The following AQP3 variants were observed in gnomAD, a reference collection of about 807,000 sequenced individuals.
The protein encoded by AQP3 is aquaporin 3 (Gill blood group).
A neutral mutation model predicts 30.3 loss-of-function variants in AQP3; 15 were observed. That is an observed-to-expected ratio of 0.49 (90% CI 0.33 to 0.76). AQP3 has a LOEUF of 0.76. Ranked by LOEUF, AQP3 falls within the 30% of genes least tolerant of loss-of-function variation. The pLI, the probability that AQP3 is intolerant of heterozygous loss-of-function variation, is 0.02. For synonymous variants in AQP3, 153 were observed against 163.2 expected (o/e 0.94, Z 0.47); for missense variants, 272 against 384.8 (o/e 0.71, Z 2.45).
At chr9:33,447,003 C>A (rs1265253176) in intron 1 of AQP3, among the ~76,000 whole-genome samples, 1 of 152,184 alleles carries the variant, frequency 6.6e-6, no homozygotes, top group Non-Finnish European at 1.5e-5. Flanking sequence ...CACCCAGGAC[C>A]CAAATAACCT....
chr9:33,444,334 C>T (rs1350651518), intron 1 of AQP3, among the ~76,000 whole-genome samples: 1 of 152,142 alleles, frequency 6.6e-6, no homozygotes, highest in African/African-American at 2.4e-5. Context: ...GGTGCAGTGG[C>T]TCACACTGTA....
rs780386360 is a variant in AQP3, at chr9:33,442,000, C to T, written c.*43G>A. 7 of 1,603,352 alleles carry T rather than the reference C, an allele frequency of 4.4e-6. No individual in the cohort carries two copies. In the Admixed American group the frequency reaches 8.4e-5, roughly 19 times the overall value. On this transcript the variant is annotated 3_prime_UTR_variant, in exon 6 of 6. Transcript: ENST00000297991. ...GTGGCCCTTGGACAGTCAGTGGATG[C>T]TCAAGGCCAGGGCAGCGGAGTGGGG...
At position 33,447,426 on chromosome 9, in the gene AQP3, C is replaced by G. The variant is rs591810; in HGVS notation, c.105G>C (p.Leu35=). Reference sequence around the variant, plus strand: ...TTCCCCGGCTCCCTCCACTCACCACCAGGATGAGGGTCCCCAGGCACTCGG... The same window carrying G: ...TTCCCCGGCTCCCTCCACTCACCACGAGGATGAGGGTCCCCAGGCACTCGG... The part of the protein sequence containing the change: ...ALAECLGTLI[L]VMFGCGSVAQ... The change falls in exon 1 of 6, where the codon CTG becomes CTC. Residue 35 remains leucine, a synonymous_variant. Coordinates refer to ENST00000297991, the MANE Select transcript of AQP3 (RefSeq NM_004925.5). The G allele has an allele frequency of 0.72, 1,154,684 of 1,596,606 alleles. 419,133 individuals carry two copies. The highest frequency in any genetic ancestry group is 0.81 in the Admixed American group (46,638 of 57,678).
chr9:33,442,924 G>T lies in AQP3; in HGVS notation c.420C>A (p.Pro140=), dbSNP rs1563866785. Reference sequence around the variant, plus strand: ...TAGCAAAGATGCCGGCTGTGCCATTGGGGCCCGAAACAAAAAGCTGGTTGT... The same window carrying T: ...TAGCAAAGATGCCGGCTGTGCCATTTGGGCCCGAAACAAAAAGCTGGTTGT... ...FADNQLFVSG[P]NGTAGIFATY... is the part of the protein sequence containing the mutation. Residue 140 remains proline (P), a synonymous_variant, in exon 4 of 6, where the codon CCC becomes CCA. Coordinates refer to ENST00000297991, the MANE Select transcript of AQP3 (RefSeq NM_004925.5). 1 of 1,614,226 alleles carries T rather than the reference G, an allele frequency of 6.2e-7. No individual in the cohort carries two copies. The highest frequency in any genetic ancestry group is 2.2e-5 in the East Asian group (1 of 44,884).
chr9:33,445,404 C>T (rs1587200752), intron 1 of AQP3, among the ~76,000 whole-genome samples: 1 of 152,186 alleles, frequency 6.6e-6, no homozygotes, highest in Non-Finnish European at 1.5e-5. Context: ...TGATTATCAT[C>T]CCAGAAAGAC....
In AQP3 at chr9:33,441,726, C is replaced by A; in HGVS notation, c.*317G>T. 1 of 515,092 alleles carries A rather than the reference C, an allele frequency of 1.9e-6. No homozygotes were observed. 31.9% of individuals were successfully genotyped at this position (515,092 alleles called of 1,614,324 possible). A position where few individuals can be genotyped will look rare whatever the true frequency, so the allele number is the denominator to read the frequency against. ...GGAACCCCCCCCACACACACACACC[C>A]CTGCACACACATGCACACACATGCA... On this transcript the variant is annotated 3_prime_UTR_variant, in exon 6 of 6. Coordinates refer to ENST00000297991, the MANE Select transcript of AQP3 (RefSeq NM_004925.5).
chr9:33,442,811 G>A, intron 4 of AQP3, 41 bp downstream of exon 4: 2 of 1,582,146 alleles, frequency 1.3e-6, no homozygotes, highest in South Asian at 1.1e-5. Flanking sequence ...AGGCAACTCG[G>A]TCCCCTCCCT....
At chr9:33,446,241 G>A (rs1205297693) in intron 1 of AQP3, among the ~76,000 whole-genome samples, 2 of 152,268 alleles carry the variant, frequency 1.3e-5, no homozygotes, top group Non-Finnish European at 2.9e-5. Context: ...CTGATAGGAC[G>A]ACTAATCTTA....
At position 33,442,518 on chromosome 9, in the gene AQP3, A is replaced by G; in HGVS notation, c.493T>C (p.Phe165Leu). The G allele has an allele frequency of 6.2e-7, 1 of 1,603,474 alleles. No homozygotes were observed. The highest frequency in any genetic ancestry group is 8.5e-7 in the Non-Finnish European group (1 of 1,176,064). The stretch of plus-strand genomic sequence containing the variant: ...ACGATAAGGGAGGCTGTGCCTATGA[A>G]CTGGGGAGTGGGGAGAACAGGGTGA... ...LDMINGFFDQ[F>L]IGTASLIVCV... Residue 165 changes from phenylalanine (F) to leucine (L), a missense_variant and splice_region_variant, in exon 5 of 6, where the codon TTC (phenylalanine) becomes CTC (leucine). Physicochemically the swap from Phe to Leu is conservative, Grantham distance 22. Around this residue, in one of 3 missense-constraint regions of AQP3, gnomAD observed 170 missense variants for 286.4 expected, o/e 0.59. Coordinates refer to ENST00000297991, the MANE Select transcript of AQP3 (RefSeq NM_004925.5).
At position 33,441,747 on chromosome 9, in the gene AQP3, A is replaced by C. The variant is rs1014078406; in HGVS notation, c.*296T>G. On this transcript the variant is annotated 3_prime_UTR_variant, in exon 6 of 6. Coordinates refer to ENST00000297991, the MANE Select transcript of AQP3 (RefSeq NM_004925.5). ...CACCCCTGCACACACATGCACACAC[A>C]TGCACACACATGCACACACACACAT... 1.3e-4 allele frequency: 72 copies of C among 557,748 alleles called. No homozygotes were observed. The highest frequency in any genetic ancestry group is 2.2e-4 in the Non-Finnish European group (69 of 318,298). 34.5% of individuals were successfully genotyped at this position (557,748 alleles called of 1,614,324 possible). A position where few individuals can be genotyped will look rare whatever the true frequency, so the allele number is the denominator to read the frequency against.
chr9:33,447,412 C>G lies in AQP3; in HGVS notation c.108+11G>C. ...GGAGAGAGAAGGGCTTCCCCGGCTC[C>G]CTCCACTCACCACCAGGATGAGGGT... On this transcript the variant is annotated intron_variant, in intron 1 of 5. Transcript: ENST00000297991. The G allele has an allele frequency of 1.3e-6, 2 of 1,585,370 alleles. No homozygotes were observed. The highest frequency in any genetic ancestry group is 3.6e-5 in the Admixed American group (2 of 56,204).
At chr9:33,442,772 C>T in intron 4 of AQP3, 80 bp downstream of exon 4, 1 of 1,388,132 alleles carries the variant, frequency 7.2e-7, no homozygotes, top group Non-Finnish European at 1.0e-6. Context: ...TCGAGGAGTC[C>T]TGTCCCCCAA....
chr9:33,441,829 G>C lies in AQP3; in HGVS notation c.*214C>G. 1.4e-6 allele frequency: 1 copy of C among 732,296 alleles called. No homozygotes were observed. Among genetic ancestry groups the C allele is most frequent in the South Asian group, 1.8e-5 (1 of 55,510 alleles). 45.4% of individuals were successfully genotyped at this position (732,296 alleles called of 1,614,324 possible). ...AAAAGGATGTATTGACCCAAATTCC[G>C]GTTCCACCCCAGCTTAGGGGCAGTG... On this transcript the variant is annotated 3_prime_UTR_variant, in exon 6 of 6. Transcript: ENST00000297991.
chr9:33,445,589 G>A (rs1358855333), intron 1 of AQP3, among the ~76,000 whole-genome samples: 1 of 152,146 alleles, frequency 6.6e-6, no homozygotes, highest in East Asian at 1.9e-4. Context: ...CTCCTTGCCT[G>A]CCAAAGGCTC....
rs768360802 is a variant in AQP3, at chr9:33,442,435, G to T, written c.576C>A (p.Ala192=). ...YNNPVPRGLE[A]FTVGLVVLVI... is the part of the protein sequence containing the mutation. The stretch of plus-strand genomic sequence containing the variant: ...CCAGGACCACCAGGCCCACGGTGAA[G>T]GCCTCCAGGCCTCGGGGGACGGGGT... Residue 192 remains alanine (A), a synonymous_variant, in exon 5 of 6, where the codon GCC becomes GCA. Coordinates refer to ENST00000297991, the MANE Select transcript of AQP3 (RefSeq NM_004925.5). The T allele has an allele frequency of 9.3e-6, 15 of 1,611,862 alleles. No individual in the cohort carries two copies. The highest frequency in any genetic ancestry group is 1.2e-5 in the Non-Finnish European group (14 of 1,179,438).
At chr9:33,442,652 G>A in intron 4 of AQP3, 134 bp from the exon 5 acceptor site, 3 of 1,138,954 alleles carry the variant, frequency 2.6e-6, no homozygotes, top group Non-Finnish European at 3.9e-6. Flanking sequence ...AAGCAATGGT[G>A]CTAGAATGTC....
Position 33,443,117 on chromosome 9 carries a change from G to T in AQP3, c.374-147C>A. The T allele has an allele frequency of 9.6e-7, 1 of 1,041,428 alleles. No homozygotes were observed. The highest frequency in any genetic ancestry group is 1.6e-5 in the African/African-American group (1 of 63,508). 64.5% of individuals were successfully genotyped at this position (1,041,428 alleles called of 1,614,324 possible). The stretch of plus-strand genomic sequence containing the variant: ...GCAGGCAGAGGGGGTGGCGTGGGGT[G>T]GGGTGGAGGGCCTGAGACTCTGTTA... On this transcript the variant is annotated intron_variant, in intron 3 of 5. Coordinates refer to ENST00000297991, the MANE Select transcript of AQP3 (RefSeq NM_004925.5). The surrounding 1 kb of genome is among the most constrained non-coding windows in gnomAD (Gnocchi z 5.0).
rs748642504 is a variant in AQP3 at position 33,443,015 on chromosome 9, G to A, written c.374-45C>T. The A allele has an allele frequency of 9.6e-6, 15 of 1,555,816 alleles. No individual in the cohort carries two copies. The highest frequency in any genetic ancestry group is 1.4e-5 in the African/African-American group (1 of 73,702). ...ACAGTGAGTCGGGGGAGAGGCCTGA[G>A]CCCAGACTTCCCTCTCAGGTGTGCC... On this transcript the variant is annotated intron_variant, in intron 3 of 5. Coordinates refer to ENST00000297991, the MANE Select transcript of AQP3 (RefSeq NM_004925.5). The surrounding 1 kb of genome is among the most constrained non-coding windows in gnomAD (Gnocchi z 5.0).
intron 1 of AQP3, among the ~76,000 whole-genome samples, 198 bp from the exon 2 acceptor site, chr9:33,444,090 C>G (rs1199004103): frequency 6.6e-6 from 1 of 152,184 alleles, no homozygotes; most frequent in Non-Finnish European, 1.5e-5. Flanking sequence ...ACTGTCCCAA[C>G]TCTAATATGA....
Sources: gnomAD v4.1 joint callset for allele counts (sites outside exome capture counted in the v4.1 genomes callset) on GRCh38, gnomAD v4.1.1 for gene constraint, gnomAD v4.1.1 regional missense constraint, Gnocchi (gnomAD v3.1) non-coding constraint, MANE v1.5 for transcripts, NCBI Gene and HGNC (gene_info 2026-07-23, HGNC 2026-07-21) for gene names.